TTLL11: variants seen among roughly 807,000 people sequenced by gnomAD.
TTLL11 encodes tubulin tyrosine ligase like 11.
In TTLL11, 42 loss-of-function variants were observed where a neutral mutation model predicts 51.7. That is an observed-to-expected ratio of 0.81 (90% CI 0.64 to 1.05). The LOEUF (loss-of-function observed/expected upper bound fraction) is 1.05, where lower values mean the gene tolerates loss of function less well. TTLL11 is among the 50% of genes least tolerant of loss of function. The pLI is 0.00. For missense variants in TTLL11, 799 were observed against 940.4 expected, an observed-to-expected ratio of 0.85 and a Z score of 1.97; for synonymous variants, 381 against 383.5, an observed-to-expected ratio of 0.99 and a Z score of 0.08.
chr9:121,860,473 G>A, intron 7 of TTLL11, 30 bp from the exon 8 acceptor site: 1 of 1,517,728 alleles, frequency 6.6e-7, no homozygotes, highest in Non-Finnish European at 8.9e-7. Context: ...ACATGTCACT[G>A]CCAGCCTGAA....
At chr9:122,023,662 C>T (rs1257980315) in intron 3 of TTLL11, among the ~76,000 whole-genome samples, 3 of 151,338 alleles carry the variant, frequency 2.0e-5, no homozygotes, top group Non-Finnish European at 3.0e-5. Context: ...CAATGTAACT[C>T]AACCACATTA....
At chr9:121,894,690 T>G (rs773748328) in intron 6 of TTLL11, among the ~76,000 whole-genome samples, 4 of 151,516 alleles carry the variant, frequency 2.6e-5, no homozygotes, top group African/African-American at 4.9e-5. Flanking sequence ...TAAGTGGGAG[T>G]TGAAACAATG....
At chr9:122,062,358 T>C (rs1845458653) in intron 1 of TTLL11, among the ~76,000 whole-genome samples, 1 of 151,982 alleles carries the variant, frequency 6.6e-6, no homozygotes, top group Non-Finnish European at 1.5e-5. Flanking sequence ...ATCTGATAGA[T>C]ATGACCTACG....
chr9:122,039,586 C>T (rs1468307696), intron 1 of TTLL11, among the ~76,000 whole-genome samples: 1 of 152,188 alleles, frequency 6.6e-6, no homozygotes, highest in Non-Finnish European at 1.5e-5. Context: ...GCTCTGATTA[C>T]ATGTGGCAGA....
At chr9:121,920,506 A>G (rs1172909911) in intron 6 of TTLL11, among the ~76,000 whole-genome samples, 3 of 152,210 alleles carry the variant, frequency 2.0e-5, no homozygotes, top group African/African-American at 7.2e-5. Context: ...GCAGCAAATC[A>G]TCGGGAAGCA....
chr9:121,905,966 A>AT (rs1235304298), intron 6 of TTLL11, among the ~76,000 whole-genome samples: 2 of 152,106 alleles, frequency 1.3e-5, no homozygotes, highest in Non-Finnish European at 2.9e-5. Context: ...CAATTCAAAG[A>AT]TTTTTCATCT....
At chr9:121,904,521 C>G (rs909929968) in intron 6 of TTLL11, among the ~76,000 whole-genome samples, 1 of 152,222 alleles carries the variant, frequency 6.6e-6, no homozygotes, top group Non-Finnish European at 1.5e-5. Flanking sequence ...GGAGCCACAC[C>G]AGCGGATTCA....
intron 7 of TTLL11, among the ~76,000 whole-genome samples, chr9:121,863,244 A>G (rs553826764): frequency 2.6e-5 from 4 of 152,232 alleles, no homozygotes; most frequent in African/African-American, 9.6e-5. Context: ...ACGGCTATCT[A>G]CTGGGTTCTG....
intron 6 of TTLL11, among the ~76,000 whole-genome samples, chr9:121,942,982 C>T (rs986124392): frequency 2.0e-5 from 3 of 152,060 alleles, no homozygotes; most frequent in Admixed American, 6.5e-5. Context: ...CTTGGGATGG[C>T]GTACAGTAGA....
chr9:122,092,953 C>T lies in TTLL11; in HGVS notation c.196G>A (p.Ala66Thr). 1 of 1,578,746 alleles carries T rather than the reference C, an allele frequency of 6.3e-7. No individual in the cohort carries two copies. The change falls in exon 1 of 9, where the codon GCC (alanine) becomes ACC (threonine). Residue 66 changes from alanine (A) to threonine (T), a missense_variant. Ala to Thr is a moderately conservative substitution (Grantham distance 58, BLOSUM62 0). Coordinates refer to ENST00000321582, the MANE Select transcript of TTLL11 (RefSeq NM_001139442.2). ...TCAGCCGCACTGGGCTGCGCCGGGG[C>T]CGGGGCCAGGACCTTGGGCTGCTCC... ...GEEQPKVLAP[A>T]PAQPSAAEEG... is the part of the protein sequence containing the mutation.
intron 8 of TTLL11, among the ~76,000 whole-genome samples, chr9:121,844,699 T>C (rs1410504312): frequency 6.6e-6 from 1 of 151,628 alleles, no homozygotes; most frequent in Non-Finnish European, 1.5e-5. Context: ...ATGCTAGAAA[T>C]AAAAAACATT....
chr9:122,007,331 AC>A (rs1843684560), intron 3 of TTLL11, among the ~76,000 whole-genome samples: 1 of 152,026 alleles, frequency 6.6e-6, no homozygotes, highest in Admixed American at 6.5e-5. Context: ...TACTAAAAAT[AC>A]AAAAAAATTA....
rs368463166 is a variant in TTLL11, at chr9:121,948,074, A to G, written c.1481+25935T>C. 4.7e-4 allele frequency among the ~76,000 whole-genome samples: 71 copies of G among 152,392 alleles called. No homozygotes were observed. In the South Asian group the frequency reaches 9.5e-3, roughly 20 times the overall value. On this transcript the variant is annotated intron_variant, in intron 6 of 8. Transcript: ENST00000321582. ...AATTGACACTTACTGAATAACTATTACATGTCAAGCCCTATTCCAGGCCCT... is the reference window on the plus strand; with the variant it reads ...AATTGACACTTACTGAATAACTATTGCATGTCAAGCCCTATTCCAGGCCCT...
intron 1 of TTLL11, among the ~76,000 whole-genome samples, chr9:122,046,991 C>T (rs1845024253): frequency 6.6e-6 from 1 of 152,130 alleles, no homozygotes; most frequent in Admixed American, 6.5e-5. Flanking sequence ...AGTATATGGT[C>T]CATGGGGGAG....
At chr9:121,911,544 C>T (rs534445254) in intron 6 of TTLL11, among the ~76,000 whole-genome samples, 28 of 152,284 alleles carry the variant, frequency 1.8e-4, no homozygotes, top group African/African-American at 6.7e-4. Flanking sequence ...CCCAAATGCC[C>T]ATCAATGTTA....
Position 121,970,676 on chromosome 9 carries a change from G to A in TTLL11, c.1481+3333C>T, listed in dbSNP as rs1161503216. 3.9e-5 allele frequency among the ~76,000 whole-genome samples: 6 copies of A among 152,336 alleles called. No homozygotes were observed. The East Asian group carries it at 9.6e-4, about 24-fold the overall frequency. On this transcript the variant is annotated intron_variant, in intron 6 of 8. Transcript: ENST00000321582. ...ACCATCTCACGCCAGTTAGAATGGC[G>A]ATCATTAAAAAGTCAGGAAACAACA...
chr9:121,987,347 G>C (rs1205170599), intron 4 of TTLL11, among the ~76,000 whole-genome samples: 2 of 152,072 alleles, frequency 1.3e-5, no homozygotes, highest in Non-Finnish European at 2.9e-5. Context: ...GGATTAGATG[G>C]AGAGGGTCCC....
At chr9:122,081,843 T>C (rs1215779821) in intron 1 of TTLL11, among the ~76,000 whole-genome samples, 1 of 152,108 alleles carries the variant, frequency 6.6e-6, no homozygotes, top group African/African-American at 2.4e-5. Context: ...AAAGTAACCA[T>C]AATATTTACA....
chr9:121,882,579 C>A (rs773719691), intron 6 of TTLL11, among the ~76,000 whole-genome samples: 52 of 152,200 alleles, frequency 3.4e-4, no homozygotes, highest in Non-Finnish European at 6.6e-4. Flanking sequence ...CCTCTAGGAC[C>A]CTTAGTAGTA....
Sources: allele counts gnomAD v4.1 joint callset (sites outside exome capture counted in the v4.1 genomes callset), GRCh38; gene constraint gnomAD v4.1.1; transcripts MANE v1.5; gene names NCBI Gene and HGNC (gene_info 2026-07-23, HGNC 2026-07-21).